Variants in REPS2 observed in about 807,000 individuals in gnomAD.
REPS2 encodes the protein RALBP1 associated Eps domain containing 2, also known as ralBP1-associated Eps domain-containing protein 2.
Under a neutral mutation model 53.6 loss-of-function variants are expected in REPS2, and 23 were observed. The ratio of observed to expected loss-of-function variants is 0.43; its 90% CI spans 0.31 to 0.61. The LOEUF (loss-of-function observed/expected upper bound fraction) is 0.61, where lower values mean the gene tolerates loss of function less well. Ranked by LOEUF, REPS2 falls within the 20% of genes least tolerant of loss-of-function variation. The pLI, the probability that REPS2 is intolerant of heterozygous loss-of-function variation, is 0.11. For synonymous variants in REPS2, 238 were observed against 218.6 expected (o/e 1.09, Z -0.78); for missense variants, 446 against 534.9 (o/e 0.83, Z 1.64).
intron 2 of REPS2, among the ~76,000 whole-genome samples, chrX:17,009,616 A>T (rs2061405402): frequency 9.0e-6 from 1 of 110,560 alleles, no homozygotes; most frequent in Admixed American, 9.6e-5. Context: ...GGGTCTTGTT[A>T]TGTTTCCCAG....
chrX:17,181,765 C>G, the REPS2 span, among the ~76,000 whole-genome samples: 2 of 112,227 alleles, frequency 1.8e-5, no homozygotes, highest in South Asian at 3.7e-4. Flanking sequence ...CACTCTTTCT[C>G]TTAAACTGAT....
At chrX:17,114,479 G>T (rs2063019836) in intron 14 of REPS2, among the ~76,000 whole-genome samples, 1 of 111,757 alleles carries the variant, frequency 8.9e-6, no homozygotes, top group South Asian at 3.7e-4. Flanking sequence ...TAAGTAATTG[G>T]TAGAAGTTTA....
At chrX:17,164,802 T>C in the REPS2 span, among the ~76,000 whole-genome samples, 1 of 110,513 alleles carries the variant, frequency 9.0e-6, no homozygotes, top group Non-Finnish European at 1.9e-5. Context: ...GAACAAAGAT[T>C]AGAATGGAAA....
At chrX:17,103,158 G>T (rs1046095630) in intron 13 of REPS2, among the ~76,000 whole-genome samples, 2 of 111,830 alleles carry the variant, frequency 1.8e-5, no homozygotes. Flanking sequence ...GAGAGAAAAA[G>T]AAATTGAGGT....
intron 1 of REPS2, among the ~76,000 whole-genome samples, chrX:16,960,645 A>G (rs957779909): frequency 4.5e-5 from 5 of 111,899 alleles, no homozygotes; most frequent in Admixed American, 9.5e-5. Context: ...AACATGAGCT[A>G]TCAGACAATA....
intron 12 of REPS2, 133 bp downstream of exon 12, chrX:17,074,292 G>A (rs2062349819): frequency 8.8e-6 from 5 of 566,727 alleles, no homozygotes; most frequent in Admixed American, 2.8e-5. Context: ...GAGCCATTTC[G>A]CTCGTGCATG....
chrX:16,956,932 G>A (rs2060604613), intron 1 of REPS2, among the ~76,000 whole-genome samples: 1 of 112,479 alleles, frequency 8.9e-6, no homozygotes, highest in Non-Finnish European at 1.9e-5. Flanking sequence ...AACCAGGAGA[G>A]GCCATTATTA....
intron 8 of REPS2, among the ~76,000 whole-genome samples, chrX:17,059,340 C>T (rs1273934775): frequency 9.4e-6 from 1 of 106,701 alleles, no homozygotes; most frequent in Non-Finnish European, 1.9e-5. Flanking sequence ...TACCTTTTTC[C>T]AACTTTTTTC....
chrX:17,100,058 A>G, intron 13 of REPS2: 2 of 1,158,766 alleles, frequency 1.7e-6, no homozygotes, highest in Non-Finnish European at 1.2e-6. Flanking sequence ...CAGAATCAGA[A>G]TCAGCTTTGT....
At chrX:17,176,205 G>A in the REPS2 span, among the ~76,000 whole-genome samples, 2 of 111,558 alleles carry the variant, frequency 1.8e-5, no homozygotes, top group African/African-American at 6.5e-5. Context: ...GCACTGCTGT[G>A]GGATTAAGTC....
At position 17,138,904 on chromosome X, in the gene REPS2, TAA is replaced by T; in HGVS notation, c.1859_1860del (p.Lys620ArgfsTer12). On this transcript the variant is annotated frameshift_variant, in exon 17 of 18. Coordinates refer to ENST00000357277, the MANE Select transcript of REPS2 (RefSeq NM_004726.3). LOFTEE classifies it high-confidence loss of function. ...CCATTCAAACTGCTATCCGCAAAAA[TAA>T]AGAGGCAAACGCAGTGCTGGCTCGG... ...KAIQTAIRKN[K>X]EANAVLARLN... The T allele has an allele frequency of 5.0e-6, 6 of 1,206,204 alleles. No individual in the cohort carries two copies. Among genetic ancestry groups the T allele is most frequent in the Non-Finnish European group, 6.7e-6 (6 of 893,265 alleles).
chrX:16,964,336 C>T (rs867525967), intron 1 of REPS2, among the ~76,000 whole-genome samples: 6 of 108,396 alleles, frequency 5.5e-5, no homozygotes, highest in African/African-American at 1.4e-4. Flanking sequence ...CAGAGAGCAC[C>T]GGGTTGGGGG....
chrX:17,134,060 T>C (rs1021611032), intron 15 of REPS2, among the ~76,000 whole-genome samples, 153 bp downstream of exon 15: 1 of 111,954 alleles, frequency 8.9e-6, no homozygotes, highest in East Asian at 2.8e-4. Context: ...TTTGTGAAGA[T>C]TGGGGTCCTG....
At chrX:16,977,263 G>T (rs2060966457) in intron 1 of REPS2, among the ~76,000 whole-genome samples, 1 of 109,966 alleles carries the variant, frequency 9.1e-6, no homozygotes, top group African/African-American at 3.4e-5. Flanking sequence ...CAGAAGTGAG[G>T]CTCTCCACTT....
chrX:17,020,001 G>A (rs1378580798), intron 2 of REPS2, among the ~76,000 whole-genome samples: 1 of 111,881 alleles, frequency 8.9e-6, no homozygotes, highest in African/African-American at 3.2e-5. Context: ...GGAACCACCT[G>A]ACCAAAGAAA....
intron 6 of REPS2, among the ~76,000 whole-genome samples, chrX:17,051,494 G>A (rs1054157194): frequency 1.8e-5 from 2 of 111,723 alleles, no homozygotes; most frequent in Non-Finnish European, 3.8e-5. Context: ...TGTTTTAAAG[G>A]CTCATTCATG....
In REPS2 at chrX:17,150,775, G is replaced by T. The variant is rs1427365719; in HGVS notation, c.*3294G>T. The T allele has an allele frequency of 8.9e-6, 1 of 112,069 alleles. No homozygotes were observed. Among genetic ancestry groups the T allele is most frequent in the African/African-American group, 3.2e-5 (1 of 30,786 alleles). The allele number at this position is 112,069 out of a possible 1,213,427, so 9.2% of individuals were successfully genotyped here. On this transcript the variant is annotated 3_prime_UTR_variant, in exon 18 of 18. Coordinates refer to ENST00000357277, the MANE Select transcript of REPS2 (RefSeq NM_004726.3). ...TCCTGGCCCAAAAAATCCATAGAAA[G>T]AGGTAACTAGTGGCAGATTTGGGGC...
chrX:17,181,453 C>A, the REPS2 span, among the ~76,000 whole-genome samples: 7 of 111,914 alleles, frequency 6.3e-5, no homozygotes, highest in South Asian at 2.7e-3. Flanking sequence ...ACTACAGGAC[C>A]CTTCCACTAT....
chrX:17,195,136 A>G, the REPS2 span, among the ~76,000 whole-genome samples: 1 of 112,305 alleles, frequency 8.9e-6, no homozygotes, highest in African/African-American at 3.2e-5. Flanking sequence ...AGTAGCTTCT[A>G]TTTATCCTCC....
Sources: gnomAD v4.1 joint callset for allele counts (sites outside exome capture counted in the v4.1 genomes callset) on GRCh38, gnomAD v4.1.1 for gene constraint, MANE v1.5 for transcripts, NCBI Gene and HGNC (gene_info 2026-07-23, HGNC 2026-07-21) for gene names.